Variants in YME1L1 observed in about 807,000 individuals in gnomAD.
The protein encoded by YME1L1 is ATP-dependent zinc metalloprotease YME1L1.
Under a neutral mutation model 90.4 loss-of-function variants are expected in YME1L1, and 39 were observed. That is an observed-to-expected ratio of 0.43 (90% CI 0.33 to 0.56). The LOEUF is 0.56. YME1L1 is among the 20% of genes least tolerant of loss of function. YME1L1 has a pLI of 0.03. For missense variants in YME1L1, 617 were observed against 868.4 expected, an observed-to-expected ratio of 0.71 and a Z score of 3.64; for synonymous variants, 284 against 287.3, an observed-to-expected ratio of 0.99 and a Z score of 0.12.
chr10:27,146,947 T>C (rs1701283168), intron 2 of YME1L1: 1 of 170,982 alleles, frequency 5.8e-6, no homozygotes, highest in South Asian at 1.3e-4. Flanking sequence ...TGACAGCACA[T>C]AGTAAAAGAC....
In YME1L1 at chr10:27,111,655, C is replaced by T. The variant is rs1054704404; in HGVS notation, c.*322G>A. On this transcript the variant is annotated 3_prime_UTR_variant, in exon 19 of 19. Transcript: ENST00000376016. The stretch of plus-strand genomic sequence containing the variant: ...AGAAGGCTAAAGGCACAATTTTTAT[C>T]AAATCTAGTAGAGTAACCAAACATA... 2 of 380,022 alleles carry T rather than the reference C, an allele frequency of 5.3e-6. No individual in the cohort carries two copies. Among genetic ancestry groups the T allele is most frequent in the African/African-American group, 2.1e-5 (1 of 48,174 alleles). The allele number at this position is 380,022 out of a possible 1,614,324, so 23.5% of individuals were successfully genotyped here.
intron 11 of YME1L1, 113 bp from the exon 12 acceptor site, chr10:27,121,561 G>A: frequency 1.3e-6 from 1 of 751,964 alleles, no homozygotes; most frequent in Non-Finnish European, 2.3e-6. Context: ...GACTCGCTTT[G>A]TGGCCTAGGC....
Position 27,131,912 on chromosome 10 carries a change from A to G in YME1L1, c.805T>C (p.Ser269Pro), listed in dbSNP as rs748163083. Residue 269 changes from serine to proline, a missense_variant, in exon 8 of 19, where the codon TCT (serine) becomes CCT (proline). Ser to Pro is a moderately conservative substitution (Grantham distance 74, BLOSUM62 -1). This residue lies in a region of YME1L1 where 311 missense variants were observed against 335.8 expected (regional missense o/e 0.93). Transcript: ENST00000376016. ...TTCATCTGGACAGGATCTACTGCAGAATCAAGCCCTGTTGTTGTCCGGAAG... is the reference window on the plus strand; with the variant it reads ...TTCATCTGGACAGGATCTACTGCAGGATCAAGCCCTGTTGTTGTCCGGAAG... ...VRFRTTTGLD[S>P]AVDPVQMKNV... The G allele has an allele frequency of 6.2e-7, 1 of 1,613,504 alleles. No homozygotes were observed. Among genetic ancestry groups the G allele is most frequent in the South Asian group, 1.1e-5 (1 of 90,918 alleles).
chr10:27,126,850 C>A, intron 8 of YME1L1, 64 bp from the exon 9 acceptor site: 2 of 913,856 alleles, frequency 2.2e-6, no homozygotes, highest in South Asian at 3.3e-5. Context: ...ATTATCAAGG[C>A]TTCCCTTTTG....
chr10:27,124,211 T>C (rs1222558578), intron 9 of YME1L1, among the ~76,000 whole-genome samples: 1 of 152,236 alleles, frequency 6.6e-6, no homozygotes, highest in Non-Finnish European at 1.5e-5. Flanking sequence ...TCTTAGGTGA[T>C]GTACAAGAAA....
In YME1L1 at chr10:27,145,507, T is replaced by G. The variant is rs750165395; in HGVS notation, c.252A>C (p.Gly84=). The stretch of plus-strand genomic sequence containing the variant: ...AAGAAATGTTTTTGCCTTTACAAAA[T>G]CCAGGAAGTAGATTTTCTACCAGCT... ...IDQLVENLLP[G]FCKGKNISSH... Residue 84 remains glycine, a synonymous_variant, in exon 3 of 19, where the codon GGA becomes GGC. Transcript: ENST00000376016. 1 of 1,613,672 alleles carries G rather than the reference T, an allele frequency of 6.2e-7. No individual in the cohort carries two copies. Among genetic ancestry groups the G allele is most frequent in the African/African-American group, 1.3e-5 (1 of 75,026 alleles).
chr10:27,119,836 C>T (rs2056848922), intron 13 of YME1L1, among the ~76,000 whole-genome samples: 1 of 150,990 alleles, frequency 6.6e-6, no homozygotes, highest in Non-Finnish European at 1.5e-5. Flanking sequence ...AAAAAAAACA[C>T]CTCACATTCC....
rs2057230428 is a variant in YME1L1, at chr10:27,152,419, TGA to T, written c.33+1757_33+1758del. On this transcript the variant is annotated intron_variant, in intron 1 of 18. Coordinates refer to ENST00000376016, the MANE Select transcript of YME1L1 (RefSeq NM_014263.4). The stretch of plus-strand genomic sequence containing the variant: ...ACCATCCTTCAAAGCAAGAAATGCC[TGA>T]GAGTCCTCACTATATTTGAGCCCTG... Among the ~76,000 whole-genome samples, 3 of 152,316 alleles carry T rather than the reference TGA, an allele frequency of 2.0e-5. No individual in the cohort carries two copies. In the South Asian group the frequency reaches 6.2e-4, roughly 32 times the overall value.
intron 11 of YME1L1, among the ~76,000 whole-genome samples, chr10:27,121,983 G>A (rs1397437769): frequency 6.6e-6 from 1 of 152,030 alleles, no homozygotes; most frequent in African/African-American, 2.4e-5. Flanking sequence ...CAATACACCC[G>A]CCTCAGCCTC....
intron 12 of YME1L1, among the ~76,000 whole-genome samples, chr10:27,120,957 T>G (rs998172830): frequency 5.9e-5 from 9 of 152,066 alleles, no homozygotes; most frequent in Middle Eastern, 6.8e-3. Context: ...CAGTAAAATT[T>G]TTTCATAGTA....
At chr10:27,145,776 A>G (rs373140900) in intron 2 of YME1L1, 186 bp from the exon 3 acceptor site, 17 of 456,974 alleles carry the variant, frequency 3.7e-5, no homozygotes, top group East Asian at 3.7e-4. Context: ...CAGTCATATG[A>G]GGTTTGACAT....
At chr10:27,113,219 CAAAAA>C (rs869122796) in intron 18 of YME1L1, among the ~76,000 whole-genome samples, 8 of 43,104 alleles carry the variant, frequency 1.9e-4, no homozygotes, top group East Asian at 1.1e-3. Context: ...GATGCTGTCT[CAAAAA>C]AAAAAAAAAA....
chr10:27,137,988 CTACT>C (rs1364160554), intron 4 of YME1L1, among the ~76,000 whole-genome samples: 1 of 151,860 alleles, frequency 6.6e-6, no homozygotes, highest in Non-Finnish European at 1.5e-5. Flanking sequence ...TAAAGGTAGT[CTACT>C]TACTTCTAAT....
At chr10:27,151,656 CG>C (rs938391211) in intron 1 of YME1L1, among the ~76,000 whole-genome samples, 30 of 151,924 alleles carry the variant, frequency 2.0e-4, no homozygotes, top group African/African-American at 7.0e-4. Context: ...CCGAGGCGGA[CG>C]GATCACAAGG....
intron 4 of YME1L1, among the ~76,000 whole-genome samples, chr10:27,141,012 CTT>C (rs2057081680): frequency 1.3e-5 from 2 of 152,314 alleles, no homozygotes; most frequent in South Asian, 4.1e-4. Context: ...TTATTAGTCT[CTT>C]TGCTGAAATT....
At chr10:27,120,920 A>G (rs1278798315) in intron 12 of YME1L1, among the ~76,000 whole-genome samples, 1 of 152,220 alleles carries the variant, frequency 6.6e-6, no homozygotes, top group Non-Finnish European at 1.5e-5. Context: ...CAAACTACTG[A>G]TCAAATGAAA....
intron 7 of YME1L1, among the ~76,000 whole-genome samples, chr10:27,132,757 T>C (rs1200635827): frequency 6.6e-6 from 1 of 151,734 alleles, no homozygotes; most frequent in Non-Finnish European, 1.5e-5. Flanking sequence ...GAGGAGGAGG[T>C]TGCAGCGAGC....
At chr10:27,148,814 C>CG in intron 2 of YME1L1, 92 bp downstream of exon 2, 4 of 1,523,696 alleles carry the variant, frequency 2.6e-6, no homozygotes, top group Non-Finnish European at 3.5e-6. Context: ...TTTTTGACTA[C>CG]GGGGGAGGGA....
chr10:27,139,278 T>C (rs1294818581), intron 4 of YME1L1, among the ~76,000 whole-genome samples: 1 of 152,082 alleles, frequency 6.6e-6, no homozygotes, highest in Non-Finnish European at 1.5e-5. Context: ...CACTGTAACC[T>C]TGAACTTTGG....
Sources: gnomAD v4.1 joint callset for allele counts (sites outside exome capture counted in the v4.1 genomes callset) on GRCh38, gnomAD v4.1.1 for gene constraint, gnomAD v4.1.1 regional missense constraint, MANE v1.5 for transcripts, NCBI Gene and HGNC (gene_info 2026-07-23, HGNC 2026-07-21) for gene names.